Variants in SPAG16 observed in about 807,000 individuals in gnomAD.
SPAG16 encodes sperm-associated antigen 16 protein.
Under a neutral mutation model 80.4 loss-of-function variants are expected in SPAG16, and 86 were observed. The observed-to-expected ratio is 1.07, with a 90% confidence interval of 0.90 to 1.28. The LOEUF is 1.28. Ranked by LOEUF, SPAG16 falls within the 50% of genes most tolerant of loss-of-function variation. SPAG16 has a pLI of 0.00. For missense variants in SPAG16, 870 were observed against 765.3 expected (o/e 1.14, Z -1.61); for synonymous variants, 294 against 265.9 (o/e 1.11, Z -1.03).
chr2:214,287,997 C>T (rs34471175), intron 15 of SPAG16, among the ~76,000 whole-genome samples: 20,138 of 152,050 alleles, frequency 0.13, 1,425 homozygotes, highest in East Asian at 0.19. Context: ...CCCTACTGTG[C>T]TTTTGAATAT....
At chr2:214,184,993 C>G (rs2057423595) in intron 15 of SPAG16, among the ~76,000 whole-genome samples, 1 of 151,796 alleles carries the variant, frequency 6.6e-6, no homozygotes, top group African/African-American at 2.4e-5. Context: ...AATATAGCAG[C>G]TGGGCCTTTT....
At chr2:214,010,388 G>A (rs1277956275) in intron 12 of SPAG16, among the ~76,000 whole-genome samples, 1 of 145,996 alleles carries the variant, frequency 6.8e-6, no homozygotes, top group Non-Finnish European at 1.5e-5. Context: ...AGGAGAAAGA[G>A]AAAAAAAAGT....
intron 10 of SPAG16, among the ~76,000 whole-genome samples, chr2:213,820,955 T>C (rs2072898773): frequency 6.6e-6 from 1 of 152,122 alleles, no homozygotes; most frequent in Admixed American, 6.5e-5. Context: ...GCTCCAAAAA[T>C]ATAAACAACT....
intron 10 of SPAG16, among the ~76,000 whole-genome samples, chr2:213,646,749 T>C (rs1247102724): frequency 6.6e-6 from 1 of 152,182 alleles, no homozygotes; most frequent in Non-Finnish European, 1.5e-5. Flanking sequence ...GATGAAGTAA[T>C]TTTGGCTGTA....
intron 10 of SPAG16, among the ~76,000 whole-genome samples, chr2:213,556,311 C>CAA (rs1559251236): frequency 2.6e-5 from 2 of 76,926 alleles, no homozygotes; most frequent in East Asian, 4.6e-4. Flanking sequence ...AAAAAAAAAA[C>CAA]CAAAAAAAAA....
At chr2:213,637,383 A>C (rs1443649353) in intron 10 of SPAG16, among the ~76,000 whole-genome samples, 2 of 152,156 alleles carry the variant, frequency 1.3e-5, no homozygotes, top group Non-Finnish European at 2.9e-5. Context: ...TTTATCAGGC[A>C]TATTGGTCTG....
At chr2:214,128,804 A>T (rs1335417677) in intron 14 of SPAG16, among the ~76,000 whole-genome samples, 2 of 151,762 alleles carry the variant, frequency 1.3e-5, no homozygotes, top group Admixed American at 6.7e-5. Context: ...AATAGTCTTG[A>T]ACTTTGTTCT....
At chr2:213,938,434 G>T (rs954764430) in intron 12 of SPAG16, among the ~76,000 whole-genome samples, 5 of 151,848 alleles carry the variant, frequency 3.3e-5, no homozygotes, top group African/African-American at 1.2e-4. Context: ...ATACTTATTT[G>T]TATTGATGAA....
intron 10 of SPAG16, among the ~76,000 whole-genome samples, chr2:213,521,204 C>T (rs530374780): frequency 1.3e-5 from 2 of 152,254 alleles, no homozygotes; most frequent in Admixed American, 1.3e-4. Context: ...TTTCTGCTTA[C>T]TGGTATGATA....
At chr2:213,580,367 C>G (rs1234658182) in intron 10 of SPAG16, among the ~76,000 whole-genome samples, 1 of 152,042 alleles carries the variant, frequency 6.6e-6, no homozygotes, top group Non-Finnish European at 1.5e-5. Flanking sequence ...TCATGTAAAA[C>G]TTAAATTTGT....
intron 13 of SPAG16, among the ~76,000 whole-genome samples, chr2:214,041,603 T>C (rs2125093388): frequency 6.6e-6 from 1 of 152,076 alleles, no homozygotes; most frequent in African/African-American, 2.4e-5. Context: ...GTCTCTTATC[T>C]TGCTCAATCT....
At chr2:214,172,366 A>T (rs2056902026) in intron 15 of SPAG16, among the ~76,000 whole-genome samples, 1 of 151,820 alleles carries the variant, frequency 6.6e-6, no homozygotes, top group Admixed American at 6.6e-5. Flanking sequence ...TGTCCTTGTG[A>T]TAGTTTACTG....
chr2:213,521,204 C>G (rs530374780), intron 10 of SPAG16, among the ~76,000 whole-genome samples: 2 of 152,136 alleles, frequency 1.3e-5, no homozygotes, highest in Non-Finnish European at 2.9e-5. Flanking sequence ...TTTCTGCTTA[C>G]TGGTATGATA....
At chr2:213,957,616 C>T (rs2044216964) in intron 12 of SPAG16, among the ~76,000 whole-genome samples, 1 of 152,056 alleles carries the variant, frequency 6.6e-6, no homozygotes, top group South Asian at 2.1e-4. Flanking sequence ...TGAAGAAGCA[C>T]TTCTGTTTTA....
At chr2:213,503,054 T>C (rs990646852) in intron 10 of SPAG16, among the ~76,000 whole-genome samples, 2 of 152,242 alleles carry the variant, frequency 1.3e-5, no homozygotes, top group African/African-American at 4.8e-5. Flanking sequence ...CATTTACCCT[T>C]GATTCCCATC....
intron 10 of SPAG16, among the ~76,000 whole-genome samples, chr2:213,563,941 C>T (rs889197493): frequency 6.6e-6 from 1 of 152,110 alleles, no homozygotes; most frequent in African/African-American, 2.4e-5. Context: ...TATGGAAAAC[C>T]AGCTTCTTCT....
chr2:213,990,388 C>G (rs1407026598), intron 12 of SPAG16, among the ~76,000 whole-genome samples: 1 of 152,092 alleles, frequency 6.6e-6, no homozygotes, highest in Non-Finnish European at 1.5e-5. Context: ...ACTGCCCACA[C>G]AGTCAGAAAT....
At chr2:213,659,607 C>T (rs997459474) in intron 10 of SPAG16, among the ~76,000 whole-genome samples, 2 of 152,080 alleles carry the variant, frequency 1.3e-5, no homozygotes, top group South Asian at 4.1e-4. Context: ...GGCTAAGCAA[C>T]ATTTCTAGGA....
intron 5 of SPAG16, among the ~76,000 whole-genome samples, chr2:213,324,298 C>CT (rs2063752811): frequency 6.6e-6 from 1 of 151,998 alleles, no homozygotes; most frequent in Non-Finnish European, 1.5e-5. Flanking sequence ...TTTTGTTATG[C>CT]TTTATATACA....
Sources: allele counts gnomAD v4.1 joint callset (sites outside exome capture counted in the v4.1 genomes callset), GRCh38; gene constraint gnomAD v4.1.1; transcripts MANE v1.5; gene names NCBI Gene and HGNC (gene_info 2026-07-23, HGNC 2026-07-21).